RNF38: variants seen among roughly 807,000 people sequenced by gnomAD.
The protein encoded by RNF38 is ring finger protein 38.
RNF38 carries 15 observed loss-of-function variants against 67.2 expected under a neutral mutation model. The observed-to-expected ratio is 0.22, with a 90% CI of 0.15 to 0.34. The LOEUF (loss-of-function observed/expected upper bound fraction) is 0.34, where lower values mean the gene tolerates loss of function less well. RNF38 is among the 10% of genes least tolerant of loss of function. RNF38 has a pLI of 1.00. For missense variants in RNF38, 524 were observed against 639.9 expected, an observed-to-expected ratio of 0.82 and a Z score of 1.95; for synonymous variants, 220 against 218.8, an observed-to-expected ratio of 1.01 and a Z score of -0.05.
chr9:36,476,399 AC>A (rs1159222423), intron 1 of RNF38, among the ~76,000 whole-genome samples: 2 of 151,950 alleles, frequency 1.3e-5, no homozygotes, highest in African/African-American at 4.8e-5. Flanking sequence ...GGCATGAGCC[AC>A]CCCACCCAGC....
At chr9:36,419,427 G>C (rs1368710257) in intron 2 of RNF38, among the ~76,000 whole-genome samples, 7 of 152,162 alleles carry the variant, frequency 4.6e-5, no homozygotes, top group Non-Finnish European at 8.8e-5. Context: ...AGTTTAGGAA[G>C]AACTCTTCTA....
chr9:36,384,064 TCA>T (rs1836412444), intron 2 of RNF38, among the ~76,000 whole-genome samples: 1 of 152,182 alleles, frequency 6.6e-6, no homozygotes, highest in South Asian at 2.1e-4. Flanking sequence ...ACTATATTTT[TCA>T]CAGTTCCTAA....
chr9:36,479,078 G>C (rs561417341), intron 1 of RNF38, among the ~76,000 whole-genome samples: 1 of 152,194 alleles, frequency 6.6e-6, no homozygotes, highest in South Asian at 2.1e-4. Flanking sequence ...ACTTAAACAC[G>C]TTCCTGTCAC....
At chr9:36,385,736 T>C (rs994413685) in intron 2 of RNF38, among the ~76,000 whole-genome samples, 1 of 152,144 alleles carries the variant, frequency 6.6e-6, no homozygotes, top group African/African-American at 2.4e-5. Context: ...GCTCAGCAAA[T>C]TGATGAGGTG....
At position 36,351,826 on chromosome 9, in the gene RNF38, G is replaced by A. The variant is rs947212565; in HGVS notation, c.1179-627C>T. Among the ~76,000 whole-genome samples the A allele has an allele frequency of 6.0e-4, 91 of 152,200 alleles. 1 individual carries two copies. The highest frequency in any genetic ancestry group is 2.0e-3 in the African/African-American group (84 of 41,450). The stretch of plus-strand genomic sequence containing the variant: ...TGCCACTTCTGGGACATATCCTTGA[G>A]AGGAGCAGGTAGGCAGAGGAATCTA... On this transcript the variant is annotated intron_variant, in intron 8 of 11. Transcript: ENST00000259605.
At chr9:36,454,214 G>A (rs1839529323) in intron 1 of RNF38, among the ~76,000 whole-genome samples, 1 of 149,614 alleles carries the variant, frequency 6.7e-6, no homozygotes, top group African/African-American at 2.5e-5. Context: ...ACCTCCACCT[G>A]CCAGGTTCAA....
chr9:36,365,953 C>T (rs527779296), intron 4 of RNF38, among the ~76,000 whole-genome samples: 2 of 152,296 alleles, frequency 1.3e-5, no homozygotes, highest in East Asian at 3.9e-4. Context: ...GCACGAGCCA[C>T]TGTGCCTGGC....
intron 2 of RNF38, among the ~76,000 whole-genome samples, chr9:36,380,641 C>T (rs1836145776): frequency 6.6e-6 from 1 of 152,178 alleles, no homozygotes; most frequent in African/African-American, 2.4e-5. Flanking sequence ...TACAGGTGCA[C>T]ACCACCATGA....
At chr9:36,398,883 A>C (rs934021811) in intron 1 of RNF38, among the ~76,000 whole-genome samples, 6 of 152,226 alleles carry the variant, frequency 3.9e-5, no homozygotes, top group African/African-American at 1.4e-4. Context: ...ATACTGAGCA[A>C]GTACCTAATC....
chr9:36,401,198 G>GGGGGGGGGGC, upstream of RNF38: 1 of 970,944 alleles, frequency 1.0e-6, no homozygotes, highest in Non-Finnish European at 1.2e-6. Flanking sequence ...CGAGGGGGAA[G>GGGGGGGGGGC]GGGGCGGGGC....
At chr9:36,370,314 T>A (rs1835280824) in intron 3 of RNF38, among the ~76,000 whole-genome samples, 1 of 152,190 alleles carries the variant, frequency 6.6e-6, no homozygotes, top group South Asian at 2.1e-4. Flanking sequence ...TGTAGATACC[T>A]TGTCAGTGTT....
At chr9:36,378,872 A>G (rs1465781169) in intron 2 of RNF38, among the ~76,000 whole-genome samples, 5 of 151,376 alleles carry the variant, frequency 3.3e-5, no homozygotes, top group Admixed American at 6.6e-5. Context: ...GAAGGGAGCT[A>G]TTCATTAGAG....
intron 1 of RNF38, among the ~76,000 whole-genome samples, chr9:36,426,942 T>C (rs1587117824): frequency 6.6e-6 from 1 of 152,370 alleles, no homozygotes; most frequent in Non-Finnish European, 1.5e-5. Context: ...AAAAAGCTCA[T>C]AGCACAGTGC....
At chr9:36,372,374 A>C (rs1266733873) in intron 3 of RNF38, 1 of 566,068 alleles carries the variant, frequency 1.8e-6, no homozygotes, top group Non-Finnish European at 3.2e-6. Flanking sequence ...TGTTTCTTGA[A>C]GTTTATTGTT....
At chr9:36,378,598 G>T (rs1310790985) in intron 2 of RNF38, among the ~76,000 whole-genome samples, 1 of 152,096 alleles carries the variant, frequency 6.6e-6, no homozygotes, top group Non-Finnish European at 1.5e-5. Context: ...ACAGAACTTT[G>T]AATTCTAAAA....
chr9:36,461,238 A>G (rs1045618937), intron 1 of RNF38, among the ~76,000 whole-genome samples: 9 of 152,200 alleles, frequency 5.9e-5, no homozygotes, highest in African/African-American at 2.2e-4. Context: ...ACAAACAAAC[A>G]AACAAAAACT....
At chr9:36,465,071 A>C (rs1166793968) in intron 1 of RNF38, among the ~76,000 whole-genome samples, 1 of 152,228 alleles carries the variant, frequency 6.6e-6, no homozygotes, top group Non-Finnish European at 1.5e-5. Context: ...CTTCCCACCC[A>C]CTAGGAGGGC....
At chr9:36,454,004 G>A (rs1437367033) in intron 1 of RNF38, among the ~76,000 whole-genome samples, 1 of 152,114 alleles carries the variant, frequency 6.6e-6, no homozygotes. Flanking sequence ...AATAATTATT[G>A]AACCTTAGTA....
chr9:36,364,556 C>G (rs1238172926), intron 4 of RNF38, among the ~76,000 whole-genome samples: 1 of 152,164 alleles, frequency 6.6e-6, no homozygotes, highest in Admixed American at 6.5e-5. Context: ...TAGCATATGA[C>G]CATATTCACA....
Sources: gnomAD v4.1 joint callset for allele counts (sites outside exome capture counted in the v4.1 genomes callset) on GRCh38, gnomAD v4.1.1 for gene constraint, MANE v1.5 for transcripts, NCBI Gene and HGNC (gene_info 2026-07-23, HGNC 2026-07-21) for gene names.